The following MYO1D variants were observed in gnomAD, a reference collection of about 807,000 sequenced individuals.
The protein encoded by MYO1D is myosin ID.
A neutral mutation model predicts 122.0 loss-of-function variants in MYO1D; 83 were observed. The ratio of observed to expected loss-of-function variants is 0.68; its 90% CI spans 0.57 to 0.82. The LOEUF is 0.82. Ranked by LOEUF, MYO1D falls within the 40% of genes least tolerant of loss-of-function variation. MYO1D has a pLI of 0.00. For synonymous variants in MYO1D, 464 were observed against 446.9 expected, an observed-to-expected ratio of 1.04 and a Z score of -0.48; for missense variants, 1,157 against 1,269.5, an observed-to-expected ratio of 0.91 and a Z score of 1.35.
At chr17:32,515,359 CCATGGCCTACTGCAGT>C (rs1168791107) in intron 21 of MYO1D, among the ~76,000 whole-genome samples, 109 of 152,336 alleles carry the variant, frequency 7.2e-4, no homozygotes, top group African/African-American at 2.5e-3. Flanking sequence ...AGTCCCCCAG[CCATGGCCTACTGCAGT>C]CTTCACCTCC....
intron 1 of MYO1D, among the ~76,000 whole-genome samples, chr17:32,790,038 T>C (rs2151035435): frequency 6.6e-6 from 1 of 152,254 alleles, no homozygotes; most frequent in Non-Finnish European, 1.5e-5. Context: ...GAAATGTAAA[T>C]CAAATCAACA....
intron 15 of MYO1D, among the ~76,000 whole-genome samples, chr17:32,718,401 A>C (rs922859944): frequency 6.6e-6 from 1 of 152,216 alleles, no homozygotes; most frequent in African/African-American, 2.4e-5. Flanking sequence ...TTTTCTTCTT[A>C]AAATGCCATC....
intron 21 of MYO1D, among the ~76,000 whole-genome samples, chr17:32,553,691 C>T (rs1356921771): frequency 6.6e-6 from 1 of 152,162 alleles, no homozygotes; most frequent in Non-Finnish European, 1.5e-5. Context: ...GTCCTGTTTA[C>T]TTATTTCTCC....
At chr17:32,554,748 A>C (rs1360546149) in intron 21 of MYO1D, among the ~76,000 whole-genome samples, 1 of 152,228 alleles carries the variant, frequency 6.6e-6, no homozygotes. Flanking sequence ...AAAAATCAGC[A>C]AAGGATATGA....
chr17:32,801,971 G>A (rs2090464765), intron 1 of MYO1D, among the ~76,000 whole-genome samples: 1 of 152,214 alleles, frequency 6.6e-6, no homozygotes, highest in African/African-American at 2.4e-5. Context: ...CCAAATCTGG[G>A]ATAGTTTATT....
intron 21 of MYO1D, among the ~76,000 whole-genome samples, chr17:32,555,723 C>T (rs1216410500): frequency 6.6e-6 from 1 of 152,202 alleles, no homozygotes; most frequent in East Asian, 1.9e-4. Flanking sequence ...CAGACCCTTG[C>T]CCACAATAGC....
intron 16 of MYO1D, among the ~76,000 whole-genome samples, chr17:32,670,665 AC>A (rs1164097636): frequency 1.3e-5 from 2 of 151,998 alleles, no homozygotes; most frequent in East Asian, 3.9e-4. Context: ...TTTTACATAT[AC>A]CCTTCCCTGT....
intron 21 of MYO1D, among the ~76,000 whole-genome samples, chr17:32,568,179 G>A (rs1281401932): frequency 8.2e-5 from 7 of 85,094 alleles, no homozygotes; most frequent in South Asian, 4.9e-4. Flanking sequence ...ATCTTTCTGC[G>A]TTATTACAAA....
At chr17:32,723,395 A>G (rs2089534969) in intron 14 of MYO1D, among the ~76,000 whole-genome samples, 1 of 152,124 alleles carries the variant, frequency 6.6e-6, no homozygotes, top group Non-Finnish European at 1.5e-5. Flanking sequence ...CACTTAGCTG[A>G]TGTTAGAGAG....
intron 16 of MYO1D, among the ~76,000 whole-genome samples, chr17:32,705,404 A>G (rs1042190074): frequency 5.9e-5 from 9 of 151,444 alleles, no homozygotes; most frequent in South Asian, 4.2e-4. Flanking sequence ...GGACTACAGG[A>G]GTCCACCACC....
At chr17:32,587,282 T>C (rs1204557625) in intron 21 of MYO1D, among the ~76,000 whole-genome samples, 4 of 152,094 alleles carry the variant, frequency 2.6e-5, no homozygotes, top group Non-Finnish European at 5.9e-5. Context: ...GAAGCTGAGG[T>C]GAGCGGAACA....
chr17:32,502,857 C>T (rs563894593), intron 21 of MYO1D, among the ~76,000 whole-genome samples: 256 of 152,288 alleles, frequency 1.7e-3, no homozygotes, highest in African/African-American at 5.6e-3. Flanking sequence ...GGAGGCAGGG[C>T]GTCTCCCTCT....
In MYO1D at chr17:32,625,556, A is replaced by ATT. The variant is rs34078824; in HGVS notation, c.2709+13164_2709+13165dup. ...GTTATTTCTTTCCTCTTAAAACAGG[A>ATT]TTTTTTTTTTTTAAATAGGGTCTCG... On this transcript the variant is annotated intron_variant, in intron 20 of 21. Coordinates refer to ENST00000318217, the MANE Select transcript of MYO1D (RefSeq NM_015194.3). 6.9e-3 allele frequency among the ~76,000 whole-genome samples: 1,035 copies of ATT among 149,640 alleles called. 12 individuals carry two copies. The highest frequency in any genetic ancestry group is 0.022 in the African/African-American group (919 of 40,888).
intron 21 of MYO1D, among the ~76,000 whole-genome samples, chr17:32,548,664 C>T (rs225199): frequency 0.66 from 99,740 of 151,298 alleles, 33,647 homozygotes; most frequent in African/African-American, 0.81. Context: ...TGAGGGGAGA[C>T]CTGACTTCTT....
At chr17:32,678,757 C>A (rs1443952446) in intron 16 of MYO1D, among the ~76,000 whole-genome samples, 2 of 148,458 alleles carry the variant, frequency 1.3e-5, no homozygotes, top group Non-Finnish European at 3.0e-5. Context: ...GATTTATAGT[C>A]ATTTGGGTAT....
chr17:32,640,898 T>C (rs1387042847), intron 19 of MYO1D, among the ~76,000 whole-genome samples: 1 of 151,672 alleles, frequency 6.6e-6, no homozygotes, highest in Non-Finnish European at 1.5e-5. Context: ...GAATATATAT[T>C]TTTTCCTTTT....
chr17:32,830,577 T>C (rs576457986), intron 1 of MYO1D, among the ~76,000 whole-genome samples: 2 of 152,338 alleles, frequency 1.3e-5, no homozygotes, highest in East Asian at 3.9e-4. Context: ...TACAGTGTTG[T>C]ACTGCTCAGT....
intron 20 of MYO1D, among the ~76,000 whole-genome samples, chr17:32,619,011 A>G (rs1457153066): frequency 6.6e-6 from 1 of 152,080 alleles, no homozygotes; most frequent in Non-Finnish European, 1.5e-5. Flanking sequence ...GTTAAAATCT[A>G]AGACAAGCCA....
chr17:32,576,273 T>C (rs1439712265), intron 21 of MYO1D, among the ~76,000 whole-genome samples: 1 of 152,194 alleles, frequency 6.6e-6, no homozygotes, highest in Non-Finnish European at 1.5e-5. Context: ...CAAGGTTTTA[T>C]ATTTAAAGGA....
Sources: allele counts gnomAD v4.1 joint callset (sites outside exome capture counted in the v4.1 genomes callset), GRCh38; gene constraint gnomAD v4.1.1; transcripts MANE v1.5; gene names NCBI Gene and HGNC (gene_info 2026-07-23, HGNC 2026-07-21).